Variants in TMEM50B observed in about 807,000 individuals in gnomAD.
TMEM50B encodes transmembrane protein 50B.
In TMEM50B, 14 loss-of-function variants were observed where a neutral mutation model predicts 23.4. The observed-to-expected ratio is 0.60, with a 90% CI of 0.39 to 0.93. The LOEUF (loss-of-function observed/expected upper bound fraction) is 0.93, where lower values mean the gene tolerates loss of function less well. Ranked by LOEUF, TMEM50B falls within the 40% of genes least tolerant of loss-of-function variation. TMEM50B has a pLI of 0.00. For synonymous variants in TMEM50B, 64 were observed against 62.3 expected, an observed-to-expected ratio of 1.03 and a Z score of -0.13; for missense variants, 159 against 193.0, an observed-to-expected ratio of 0.82 and a Z score of 1.04.
At chr21:33,434,817 C>G (rs1415902092) in intron 8 of TMEM50B, among the ~76,000 whole-genome samples, 1 of 152,160 alleles carries the variant, frequency 6.6e-6, no homozygotes, top group Non-Finnish European at 1.5e-5. Context: ...GTCTCAGAAT[C>G]TTACTTGCAG....
downstream of TMEM50B, among the ~76,000 whole-genome samples, chr21:33,446,635 TACAC>T (rs67034992): frequency 4.0e-4 from 23 of 57,582 alleles, no homozygotes; most frequent in East Asian, 7.5e-4. Flanking sequence ...AGACATACAA[TACAC>T]ACACACACAC....
downstream of TMEM50B, among the ~76,000 whole-genome samples, chr21:33,445,153 C>G (rs541249620): frequency 6.6e-6 from 1 of 151,628 alleles, no homozygotes; most frequent in African/African-American, 2.4e-5. Context: ...TTGGAGAGCT[C>G]TCTGGTTTTA....
intron 5 of TMEM50B, among the ~76,000 whole-genome samples, chr21:33,459,772 ACCCCTTATC>A (rs1184667513): frequency 2.0e-5 from 3 of 152,002 alleles, no homozygotes; most frequent in Non-Finnish European, 4.4e-5. Context: ...AGGGGTCTAT[ACCCCTTATC>A]TGAAATCCCT....
intron 8 of TMEM50B, among the ~76,000 whole-genome samples, chr21:33,433,152 C>G (rs968384165): frequency 3.3e-5 from 5 of 152,170 alleles, no homozygotes; most frequent in Non-Finnish European, 7.3e-5. Context: ...TCCCAAAGTG[C>G]TGGGATTACA....
exon 9 of TMEM50B, chr21:33,432,494 G>A: frequency 1.1e-6 from 1 of 877,658 alleles, no homozygotes; most frequent in Non-Finnish European, 1.9e-6. Flanking sequence ...GCTGAGATTT[G>A]CAGTAGTGGA....
intron 5 of TMEM50B, among the ~76,000 whole-genome samples, chr21:33,457,651 CAAA>C (rs11334898): frequency 2.8e-4 from 34 of 123,486 alleles, no homozygotes; most frequent in Admixed American, 4.9e-4. Context: ...AACTCCAACT[CAAA>C]AAAAAAAAAA....
chr21:33,446,635 T>TAC (rs67034992), downstream of TMEM50B, among the ~76,000 whole-genome samples: 45 of 57,584 alleles, frequency 7.8e-4, 2 homozygotes, highest in East Asian at 3.0e-3. Flanking sequence ...AGACATACAA[T>TAC]ACACACACAC....
At position 33,473,737 on chromosome 21, in the gene TMEM50B, A is replaced by G. The variant is rs117623139; in HGVS notation, c.-41-4811T>C. Reference sequence around the variant, plus strand: ...AGAAATGAAAATATATCTTCACAATAACTTGTTCATAGCAGCATTATTCGT... The same window carrying G: ...AGAAATGAAAATATATCTTCACAATGACTTGTTCATAGCAGCATTATTCGT... On this transcript the variant is annotated intron_variant, in intron 1 of 6. Transcript: ENST00000542230. 8.9e-3 allele frequency among the ~76,000 whole-genome samples: 1,350 copies of G among 152,268 alleles called. 56 individuals are homozygous for G. The East Asian group carries it at 0.098, about 11-fold the overall frequency.
intron 8 of TMEM50B, among the ~76,000 whole-genome samples, chr21:33,436,264 G>A (rs1159517761): frequency 2.0e-5 from 3 of 150,938 alleles, no homozygotes; most frequent in African/African-American, 4.9e-5. Flanking sequence ...CTGAGGCAGA[G>A]GTTGCAGTGA....
chr21:33,477,697 T>C (rs2734727), intron 1 of TMEM50B, among the ~76,000 whole-genome samples: 116,373 of 151,262 alleles, frequency 0.77, 45,242 homozygotes, highest in East Asian at 0.98. Flanking sequence ...GTAATCCCAG[T>C]TTACTTGGGA....
intron 2 of TMEM50B, among the ~76,000 whole-genome samples, chr21:33,467,350 C>T (rs1451204044): frequency 6.6e-6 from 1 of 151,932 alleles, no homozygotes; most frequent in Non-Finnish European, 1.5e-5. Context: ...CAAGGCCGGG[C>T]GCAGTGCTGA....
intron 1 of TMEM50B, among the ~76,000 whole-genome samples, chr21:33,472,015 G>C (rs2084321770): frequency 1.5e-5 from 2 of 137,822 alleles, no homozygotes; most frequent in Admixed American, 7.5e-5. Flanking sequence ...CTGGGCAACA[G>C]AGCGAGACTC....
At chr21:33,459,863 T>C (rs2834227) in intron 5 of TMEM50B, among the ~76,000 whole-genome samples, 88,871 of 151,768 alleles carry the variant, frequency 0.59, 28,021 homozygotes, top group East Asian at 0.83. Flanking sequence ...ATATACTACA[T>C]AGCACCGCCA....
intron 5 of TMEM50B, among the ~76,000 whole-genome samples, chr21:33,457,830 TA>T (rs1268331866): frequency 6.6e-6 from 1 of 152,168 alleles, no homozygotes. Context: ...GCTATCTCCC[TA>T]CTCTGAGTTC....
exon 9 of TMEM50B, chr21:33,432,616 G>A: frequency 1.5e-6 from 2 of 1,358,396 alleles, no homozygotes; most frequent in Non-Finnish European, 2.1e-6. Context: ...ATTTTACTAG[G>A]ACAGGAATGC....
chr21:33,460,706 A>G (rs1273994913), intron 4 of TMEM50B, among the ~76,000 whole-genome samples: 1 of 152,176 alleles, frequency 6.6e-6, no homozygotes, highest in Non-Finnish European at 1.5e-5. Flanking sequence ...CATACATGGA[A>G]AAGGAAAAAA....
chr21:33,473,201 C>T (rs1321627077), intron 1 of TMEM50B, among the ~76,000 whole-genome samples: 2 of 151,988 alleles, frequency 1.3e-5, no homozygotes, highest in South Asian at 2.1e-4. Flanking sequence ...GCCTGTAATC[C>T]CAACACTTTG....
intron 1 of TMEM50B, chr21:33,479,414 T>C (rs368276672): frequency 6.6e-6 from 1 of 152,268 alleles, no homozygotes; most frequent in Admixed American, 6.5e-5. Context: ...CCCGGGGCCC[T>C]CGCTCCGGCC....
chr21:33,464,220 G>A (rs915223221), intron 4 of TMEM50B, among the ~76,000 whole-genome samples: 2 of 144,548 alleles, frequency 1.4e-5, no homozygotes. Context: ...TTTTTGAGAC[G>A]GAGTTTCACT....
Sources: gnomAD v4.1 joint callset for allele counts (sites outside exome capture counted in the v4.1 genomes callset) on GRCh38, gnomAD v4.1.1 for gene constraint, MANE v1.5 for transcripts, NCBI Gene and HGNC (gene_info 2026-07-23, HGNC 2026-07-21) for gene names.